COL5A2: variants seen among roughly 807,000 people sequenced by gnomAD.
The protein encoded by COL5A2 is collagen alpha-2(V) chain.
In COL5A2, 23 loss-of-function variants were observed where a neutral mutation model predicts 208.2. The observed-to-expected ratio is 0.11, with a 90% CI of 0.08 to 0.16. COL5A2 has a LOEUF of 0.16. COL5A2 is among the 10% of genes least tolerant of loss of function. The probability of loss-of-function intolerance (pLI) is 1.00; values close to 1 mark genes in which losing one functional copy is unlikely to be tolerated. For synonymous variants in COL5A2, 625 were observed against 628.5 expected (o/e 0.99, Z 0.08); for missense variants, 1,590 against 1,956.4 (o/e 0.81, Z 3.53).
chr2:189,235,963 ACG>A, the COL5A2 span, among the ~76,000 whole-genome samples: 1 of 151,518 alleles, frequency 6.6e-6, no homozygotes, highest in Non-Finnish European at 1.5e-5. Context: ...GAATTCTGCT[ACG>A]TTCCAGGCAG....
At chr2:189,087,058 G>T (rs370435865) in intron 8 of COL5A2, among the ~76,000 whole-genome samples, 8 of 152,264 alleles carry the variant, frequency 5.3e-5, no homozygotes, top group East Asian at 3.9e-4. Context: ...ATGTTTAATG[G>T]ATGGTTCTGT....
At chr2:189,266,785 C>G in the COL5A2 span, among the ~76,000 whole-genome samples, 1 of 151,972 alleles carries the variant, frequency 6.6e-6, no homozygotes, top group African/African-American at 2.4e-5. Flanking sequence ...AGTTATACCT[C>G]AAAAGATGTT....
chr2:189,083,950 T>C (rs1686595312), intron 12 of COL5A2, 34 bp downstream of exon 12: 1 of 1,507,494 alleles, frequency 6.6e-7, no homozygotes, highest in Non-Finnish European at 9.2e-7. Flanking sequence ...TCTTTATTTT[T>C]CAAAGTTTGC....
chr2:189,060,086 T>C (rs1232287152), intron 31 of COL5A2, among the ~76,000 whole-genome samples: 1 of 152,152 alleles, frequency 6.6e-6, no homozygotes, highest in Non-Finnish European at 1.5e-5. Context: ...ATTATCATCA[T>C]TCATCTCTCA....
chr2:189,041,247 T>A (rs1372963843), intron 50 of COL5A2, among the ~76,000 whole-genome samples: 1 of 152,232 alleles, frequency 6.6e-6, no homozygotes, highest in Non-Finnish European at 1.5e-5. Context: ...GGAGTTTTCA[T>A]GAAGTAATAA....
intron 1 of COL5A2, among the ~76,000 whole-genome samples, chr2:189,111,906 C>T (rs1173816244): frequency 6.6e-6 from 1 of 151,206 alleles, no homozygotes; most frequent in Non-Finnish European, 1.5e-5. Context: ...GTTCTTGTCG[C>T]CCAGGCAGGA....
the COL5A2 span, among the ~76,000 whole-genome samples, chr2:189,239,100 G>GT: frequency 1.3e-5 from 2 of 152,190 alleles, no homozygotes; most frequent in East Asian, 3.9e-4. Context: ...TGCAACCAAG[G>GT]TGTTTACAAA....
the COL5A2 span, among the ~76,000 whole-genome samples, chr2:189,351,317 A>G: frequency 6.6e-6 from 1 of 152,342 alleles, no homozygotes; most frequent in Admixed American, 6.5e-5. Context: ...TTCACAATGA[A>G]GTTTTTGCAA....
chr2:189,381,870 A>G, the COL5A2 span, among the ~76,000 whole-genome samples: 1 of 152,106 alleles, frequency 6.6e-6, no homozygotes, highest in East Asian at 1.9e-4. Context: ...AAATAGTATT[A>G]TAATATAAAC....
intron 1 of COL5A2, among the ~76,000 whole-genome samples, chr2:189,165,181 G>T (rs1688441683): frequency 1.3e-5 from 2 of 152,098 alleles, no homozygotes; most frequent in Admixed American, 6.5e-5. Flanking sequence ...CACTTAATTT[G>T]CCAAATGCAT....
At chr2:189,308,582 G>T in the COL5A2 span, among the ~76,000 whole-genome samples, 3 of 152,108 alleles carry the variant, frequency 2.0e-5, no homozygotes, top group African/African-American at 7.2e-5. Context: ...ACCTTTTTAG[G>T]TCTGATAAGA....
intron 24 of COL5A2, 107 bp from the exon 25 acceptor site, chr2:189,064,762 A>T: frequency 1.1e-6 from 1 of 902,666 alleles, no homozygotes; most frequent in Non-Finnish European, 1.8e-6. Context: ...ATAACATACA[A>T]ATCAAGGCAC....
chr2:189,204,786 C>CTTGGATTAATTATGTTGTG (rs1431944322), intron 1 of COL5A2, among the ~76,000 whole-genome samples: 3 of 152,102 alleles, frequency 2.0e-5, no homozygotes, highest in African/African-American at 7.2e-5. Flanking sequence ...TCTATCTTGT[C>CTTGGATTAATTATGTTGTG]TTGGATTAAT....
chr2:189,218,421 G>A (rs988231045), intron 1 of COL5A2, among the ~76,000 whole-genome samples: 1 of 152,094 alleles, frequency 6.6e-6, no homozygotes, highest in Non-Finnish European at 1.5e-5. Context: ...AAACACAAAC[G>A]GTTACTAGGA....
intron 1 of COL5A2, among the ~76,000 whole-genome samples, chr2:189,131,171 G>A (rs1687706899): frequency 6.6e-6 from 1 of 152,044 alleles, no homozygotes; most frequent in Non-Finnish European, 1.5e-5. Context: ...AAATAACATA[G>A]TATTTTCAAA....
the COL5A2 span, among the ~76,000 whole-genome samples, chr2:189,413,693 C>G: frequency 2.0e-5 from 3 of 151,244 alleles, no homozygotes; most frequent in Admixed American, 6.6e-5. Flanking sequence ...ACTCAGATGT[C>G]CAGGTAAAAG....
intron 1 of COL5A2, among the ~76,000 whole-genome samples, chr2:189,167,421 C>T (rs572843881): frequency 6.6e-6 from 1 of 152,232 alleles, no homozygotes; most frequent in South Asian, 2.1e-4. Flanking sequence ...AGAATACACT[C>T]CCCCACTCCA....
the COL5A2 span, among the ~76,000 whole-genome samples, chr2:189,400,454 C>CT: frequency 1.3e-5 from 2 of 152,106 alleles, no homozygotes. Context: ...TACCCATTAA[C>CT]TTTTTTCAGT....
chr2:189,044,570 G>A (rs1481172284), intron 47 of COL5A2, among the ~76,000 whole-genome samples: 2 of 152,092 alleles, frequency 1.3e-5, no homozygotes, highest in African/African-American at 4.8e-5. Context: ...TGCCAGTCAA[G>A]CTCAAATTAA....
Sources: gnomAD v4.1 joint callset for allele counts (sites outside exome capture counted in the v4.1 genomes callset) on GRCh38, gnomAD v4.1.1 for gene constraint, MANE v1.5 for transcripts, NCBI Gene and HGNC (gene_info 2026-07-23, HGNC 2026-07-21) for gene names.